Variants in PSKH1 observed in about 807,000 individuals in gnomAD.
The protein encoded by PSKH1 is serine/threonine-protein kinase H1.
PSKH1 carries 12 observed loss-of-function variants against 26.7 expected under a neutral mutation model. That is an observed-to-expected ratio of 0.45 (90% CI 0.29 to 0.73). PSKH1 has a LOEUF of 0.73. Among genes scored for constraint, PSKH1 ranks in the 30% least tolerant of loss-of-function variants. The pLI is 0.11. For missense variants in PSKH1, 431 were observed against 595.2 expected (o/e 0.72, Z 2.87); for synonymous variants, 213 against 234.3 (o/e 0.91, Z 0.83).
At chr16:67,902,035 G>T (rs891138482) in intron 1 of PSKH1, among the ~76,000 whole-genome samples, 2 of 152,014 alleles carry the variant, frequency 1.3e-5, no homozygotes, top group Non-Finnish European at 2.9e-5. Context: ...GGAGGTGGGC[G>T]GATCACTTGA....
Position 67,908,732 on chromosome 16 carries a change from G to C in PSKH1, c.-18G>C. On this transcript the variant is annotated 5_prime_UTR_variant, in exon 2 of 3. Transcript: ENST00000291041. ...AGGTCCTGCCAGCCTCGCTGGAGAG[G>C]ATGCCCTCGTGTCCGTGATGGGCTG... 6.4e-7 allele frequency: 1 copy of C among 1,559,530 alleles called. No individual in the cohort carries two copies. Among genetic ancestry groups the C allele is most frequent in the South Asian group, 1.2e-5 (1 of 82,584 alleles).
intron 2 of PSKH1, among the ~76,000 whole-genome samples, chr16:67,912,197 A>T (rs1394370041): frequency 6.6e-6 from 1 of 152,244 alleles, no homozygotes; most frequent in South Asian, 2.1e-4. Context: ...CCATACTGGT[A>T]CTGAATGAGA....
intron 2 of PSKH1, among the ~76,000 whole-genome samples, chr16:67,917,966 G>A (rs1304027512): frequency 6.6e-6 from 1 of 152,164 alleles, no homozygotes; most frequent in African/African-American, 2.4e-5. Context: ...GTTGGGAGAG[G>A]TAGCGAAGGC....
chr16:67,914,049 A>G (rs1456718960), intron 2 of PSKH1, among the ~76,000 whole-genome samples: 3 of 152,230 alleles, frequency 2.0e-5, no homozygotes, highest in South Asian at 2.1e-4. Flanking sequence ...GGACAGGTTC[A>G]TATATAGCTG....
chr16:67,923,376 C>T (rs1414986350), intron 2 of PSKH1, among the ~76,000 whole-genome samples: 1 of 152,192 alleles, frequency 6.6e-6, no homozygotes, highest in Non-Finnish European at 1.5e-5. Flanking sequence ...GTGATGCCCT[C>T]CTCCTACAGC....
chr16:67,895,953 A>G (rs1394858547), intron 1 of PSKH1, among the ~76,000 whole-genome samples: 1 of 152,164 alleles, frequency 6.6e-6, no homozygotes. Context: ...CAAAATAGGA[A>G]TCATCGTGCC....
chr16:67,918,867 C>G (rs933630819), intron 2 of PSKH1, among the ~76,000 whole-genome samples: 5 of 152,124 alleles, frequency 3.3e-5, no homozygotes, highest in Admixed American at 6.6e-5. Context: ...GCTGGGATTA[C>G]AGGTGTGAGC....
Position 67,915,446 on chromosome 16 carries a change from G to A in PSKH1, c.957+5740G>A, listed in dbSNP as rs140409626. ...GGGATCCGTCTGGGACATTTCCTGG[G>A]GGAGGGGTCCTTATCATGAGATCAG... On this transcript the variant is annotated intron_variant, in intron 2 of 2. Transcript: ENST00000291041. Among the ~76,000 whole-genome samples, 120 of 152,208 alleles carry A rather than the reference G, an allele frequency of 7.9e-4. No homozygotes were observed. The East Asian group carries it at 0.021, about 27-fold the overall frequency.
chr16:67,912,487 T>G (rs962311948), intron 2 of PSKH1, among the ~76,000 whole-genome samples: 4 of 152,180 alleles, frequency 2.6e-5, no homozygotes, highest in Admixed American at 2.6e-4. Context: ...CTCAGTAACG[T>G]TGGGGCAATG....
rs755016530 is a variant in PSKH1 at position 67,927,553 on chromosome 16, C to T, written c.1186C>T (p.Arg396Cys). 26 of 1,613,784 alleles carry T rather than the reference C, an allele frequency of 1.6e-5. No homozygotes were observed. Among genetic ancestry groups the T allele is most frequent in the African/African-American group, 6.7e-5 (5 of 74,932 alleles). The change falls in exon 3 of 3, where the codon CGC becomes TGC. Residue 396 changes from arginine to cysteine, a missense_variant. Transcript: ENST00000291041. This position sits in a 1 kb window ranked among gnomAD's most constrained non-coding sequence, Gnocchi z 5.5. The stretch of plus-strand genomic sequence containing the variant: ...ATCTGCCCAGTCCACGCGTTCCAGC[C>T]GCTCCACACGCTCCAATAAGTCACG... ...TKSAQSTRSS[R>C]STRSNKSRRV...
chr16:67,896,447 G>A (rs1313661709), intron 1 of PSKH1, among the ~76,000 whole-genome samples: 4 of 151,792 alleles, frequency 2.6e-5, no homozygotes, highest in Non-Finnish European at 5.9e-5. Flanking sequence ...GTTCTTCAGG[G>A]TTAGTTGTGT....
Position 67,909,110 on chromosome 16 carries a change from C to T in PSKH1, c.361C>T (p.Arg121Trp), listed in dbSNP as rs772761696. The change falls in exon 2 of 3, where the codon CGG becomes TGG. Residue 121 changes from arginine to tryptophan, a missense_variant. Coordinates refer to ENST00000291041, the MANE Select transcript of PSKH1 (RefSeq NM_006742.3). The surrounding 1 kb of genome is among the most constrained non-coding windows in gnomAD (Gnocchi z 7.8). Reference sequence around the variant, plus strand: ...GGTACGTGTAGAGCACCGGGCAACCCGGCAGCCGTATGCCATCAAGATGAT... The same window carrying T: ...GGTACGTGTAGAGCACCGGGCAACCTGGCAGCCGTATGCCATCAAGATGAT... ...RVVRVEHRAT[R>W]QPYAIKMIET... 7 of 1,614,014 alleles carry T rather than the reference C, an allele frequency of 4.3e-6. No homozygotes were observed. The highest frequency in any genetic ancestry group is 4.0e-5 in the African/African-American group (3 of 74,922).
chr16:67,926,317 G>T (rs2058216208), intron 2 of PSKH1, among the ~76,000 whole-genome samples: 1 of 152,234 alleles, frequency 6.6e-6, no homozygotes, highest in African/African-American at 2.4e-5. Flanking sequence ...TTTACTGTCT[G>T]AGCCTGTGCC....
intron 1 of PSKH1, among the ~76,000 whole-genome samples, chr16:67,896,707 C>T (rs535035140): frequency 3.1e-4 from 47 of 151,952 alleles, no homozygotes; most frequent in Non-Finnish European, 5.9e-4. Flanking sequence ...TTCAGTTGGC[C>T]ATACCCCTAG....
At position 67,927,755 on chromosome 16, in the gene PSKH1, G is replaced by C. The variant is rs1285116453; in HGVS notation, c.*113G>C. On this transcript the variant is annotated 3_prime_UTR_variant, in exon 3 of 3. Coordinates refer to ENST00000291041, the MANE Select transcript of PSKH1 (RefSeq NM_006742.3). The surrounding 1 kb of genome is among the most constrained non-coding windows in gnomAD (Gnocchi z 5.5). ...GCCTATGTGGCCCACAGTAGGTGAA[G>C]AATGTCTGGCTCCAGCCCTTTCTCT... 4.4e-5 allele frequency: 55 copies of C among 1,254,652 alleles called. No homozygotes were observed. Among genetic ancestry groups the C allele is most frequent in the Non-Finnish European group, 6.0e-5 (55 of 922,690 alleles). The allele number at this position is 1,254,652 out of a possible 1,614,324, so 77.7% of individuals were successfully genotyped here. A position where few individuals can be genotyped will look rare whatever the true frequency, so the allele number is the denominator to read the frequency against.
At chr16:67,923,119 C>T (rs1006823658) in intron 2 of PSKH1, among the ~76,000 whole-genome samples, 7 of 152,170 alleles carry the variant, frequency 4.6e-5, no homozygotes, top group Non-Finnish European at 1.0e-4. Context: ...TGCTGCCTCT[C>T]CCTCTCCAGG....
chr16:67,903,223 A>T (rs991694645), intron 1 of PSKH1: 1 of 152,084 alleles, frequency 6.6e-6, no homozygotes, highest in Non-Finnish European at 1.5e-5. Flanking sequence ...ATCACCGCTC[A>T]CTGCAACCTC....
At chr16:67,904,825 T>TC (rs1555498397) in intron 1 of PSKH1, among the ~76,000 whole-genome samples, 2 of 147,860 alleles carry the variant, frequency 1.4e-5, no homozygotes, top group African/African-American at 5.0e-5. Flanking sequence ...TTTTTAATTT[T>TC]TTTTTTTTTT....
chr16:67,920,227 A>AG (rs1349509340), intron 2 of PSKH1, among the ~76,000 whole-genome samples: 1 of 152,164 alleles, frequency 6.6e-6, no homozygotes, highest in East Asian at 1.9e-4. Context: ...GCTGGACTGT[A>AG]TCTCTCCCAC....
Sources: allele counts gnomAD v4.1 joint callset (sites outside exome capture counted in the v4.1 genomes callset), GRCh38; gene constraint gnomAD v4.1.1; non-coding constraint Gnocchi (gnomAD v3.1); transcripts MANE v1.5; gene names NCBI Gene and HGNC (gene_info 2026-07-23, HGNC 2026-07-21).